Variants in NKX3-2 observed in about 807,000 individuals in gnomAD.
The protein encoded by NKX3-2 is NK3 homeobox 2, also known as homeobox protein Nkx-3.2.
A neutral mutation model predicts 19.4 loss-of-function variants in NKX3-2; 13 were observed. The ratio of observed to expected loss-of-function variants is 0.67; its 90% CI spans 0.44 to 1.07. The LOEUF is 1.07. NKX3-2 is among the 50% of genes least tolerant of loss of function. NKX3-2 has a pLI of 0.00. For missense variants in NKX3-2, 562 were observed against 488.2 expected, an observed-to-expected ratio of 1.15 and a Z score of -1.42; for synonymous variants, 269 against 230.5, an observed-to-expected ratio of 1.17 and a Z score of -1.51.
chr4:13,546,646 T>TGC, upstream of NKX3-2: 2 of 349,098 alleles, frequency 5.7e-6, no homozygotes, highest in South Asian at 4.3e-5. Context: ...TAGTACTTGG[T>TGC]GCTGACAAAT....
rs1471167990 is a variant in NKX3-2 at position 13,543,919 on chromosome 4, G to C, written c.466+30C>G. The C allele has an allele frequency of 2.6e-6, 4 of 1,523,306 alleles. No homozygotes were observed. The highest frequency in any genetic ancestry group is 3.5e-6 in the Non-Finnish European group (4 of 1,136,424). 94.4% of individuals were successfully genotyped at this position (1,523,306 alleles called of 1,614,324 possible). A position where few individuals can be genotyped will look rare whatever the true frequency, so the allele number is the denominator to read the frequency against. On this transcript the variant is annotated intron_variant, in intron 1 of 1. Coordinates refer to ENST00000382438, the MANE Select transcript of NKX3-2 (RefSeq NM_001189.4). The surrounding 1 kb of genome is among the most constrained non-coding windows in gnomAD (Gnocchi z 7.1). ...CCCTCCGCGTCCATCCCCTCAGCCC[G>C]GCCCCCATCCCCGCGAAGCCGCAGC...
At position 13,544,305 on chromosome 4, in the gene NKX3-2, C is replaced by A; in HGVS notation, c.110G>T (p.Gly37Val). 1 of 1,529,846 alleles carries A rather than the reference C, an allele frequency of 6.5e-7. No individual in the cohort carries two copies. 94.8% of individuals were successfully genotyped at this position (1,529,846 alleles called of 1,614,324 possible). Reference sequence around the variant, plus strand: ...CGCGGCCACCGATGCCGCTGTGCCCCCGGGCGCCGGGCGCCCCTCTGGCGC... The same window carrying A: ...CGCGGCCACCGATGCCGCTGTGCCCACGGGCGCCGGGCGCCCCTCTGGCGC... ...LAAPEGRPAP[G>V]GTAASVAAAP... Residue 37 changes from glycine (G) to valine (V), a missense_variant, in exon 1 of 2, where the codon GGG becomes GTG. Coordinates refer to ENST00000382438, the MANE Select transcript of NKX3-2 (RefSeq NM_001189.4).
chr4:13,541,892 C>T lies in NKX3-2; in HGVS notation c.*101G>A. On this transcript the variant is annotated 3_prime_UTR_variant, in exon 2 of 2. Transcript: ENST00000382438. ...TGGAGCTGGGTTTCACCTCCAGGTG[C>T]CTCCTTGGCGGGGCGCCCCGTGCAG... The T allele has an allele frequency of 6.7e-7, 1 of 1,499,342 alleles. No homozygotes were observed. Among genetic ancestry groups the T allele is most frequent in the Admixed American group, 2.1e-5 (1 of 47,490 alleles). The allele number at this position is 1,499,342 out of a possible 1,614,324, so 92.9% of individuals were successfully genotyped here. A position where few individuals can be genotyped will look rare whatever the true frequency, so the allele number is the denominator to read the frequency against.
In NKX3-2 at chr4:13,543,442, G is replaced by T. The variant is rs1278596071; in HGVS notation, c.466+507C>A. ...AACCAGCCCTTTCCCCAAAGCTCTA[G>T]TTCTGCAGATTCTCAGCTCTGGCCC... On this transcript the variant is annotated intron_variant, in intron 1 of 1. Coordinates refer to ENST00000382438, the MANE Select transcript of NKX3-2 (RefSeq NM_001189.4). The surrounding 1 kb of genome is among the most constrained non-coding windows in gnomAD (Gnocchi z 7.1). Among the ~76,000 whole-genome samples the T allele has an allele frequency of 6.6e-6, 1 of 152,182 alleles. No individual in the cohort carries two copies. The highest frequency in any genetic ancestry group is 1.5e-5 in the Non-Finnish European group (1 of 68,034).
At position 13,544,247 on chromosome 4, in the gene NKX3-2, C is replaced by T; in HGVS notation, c.168G>A (p.Gly56=). 6.3e-7 allele frequency: 1 copy of T among 1,581,452 alleles called. No individual in the cohort carries two copies. Among genetic ancestry groups the T allele is most frequent in the Non-Finnish European group, 8.5e-7 (1 of 1,172,356 alleles). The stretch of plus-strand genomic sequence containing the variant: ...CCCCCAACGCGCCCGCGTCCCTCTC[C>T]CCAAAGAGCCGCCAACAGCAGACAG... ...APAVCCWRLF[G]ERDAGALGGA... The change falls in exon 1 of 2, where the codon GGG becomes GGA. Residue 56 remains glycine, a synonymous_variant. Coordinates refer to ENST00000382438, the MANE Select transcript of NKX3-2 (RefSeq NM_001189.4).
chr4:13,543,960 G>GCGGACATCTCGCTGT lies in NKX3-2; in HGVS notation c.440_454dup (p.Asp147_Ser151dup), dbSNP rs1718052386. 6.5e-7 allele frequency: 1 copy of GCGGACATCTCGCTGT among 1,548,664 alleles called. No individual in the cohort carries two copies. Among genetic ancestry groups the GCGGACATCTCGCTGT allele is most frequent in the Non-Finnish European group, 8.7e-7 (1 of 1,149,134 alleles). On this transcript the variant is annotated inframe_insertion, in exon 1 of 2. Transcript: ENST00000382438. The surrounding 1 kb of genome is among the most constrained non-coding windows in gnomAD (Gnocchi z 7.1). The stretch of plus-strand genomic sequence containing the variant: ...AAGCCGCAGCAGACCTGAGACGCTG[G>GCGGACATCTCGCTGT]CGGACATCTCGCTGTCGCTCCGGCC...
chr4:13,543,879 C>T lies in NKX3-2; in HGVS notation c.466+70G>A. The T allele has an allele frequency of 2.2e-6, 3 of 1,358,310 alleles. No homozygotes were observed. The highest frequency in any genetic ancestry group is 2.7e-5 in the East Asian group (1 of 36,776). The allele number at this position is 1,358,310 out of a possible 1,614,324, so 84.1% of individuals were successfully genotyped here. A position where few individuals can be genotyped will look rare whatever the true frequency, so the allele number is the denominator to read the frequency against. On this transcript the variant is annotated intron_variant, in intron 1 of 1. Transcript: ENST00000382438. This position sits in a 1 kb window ranked among gnomAD's most constrained non-coding sequence, Gnocchi z 7.1. Reference sequence around the variant, plus strand: ...CGCAGGGTGCTCAAGCCGACCACCCCACTCGGCGTGGTTGCCCTCCGCGTC... The same window carrying T: ...CGCAGGGTGCTCAAGCCGACCACCCTACTCGGCGTGGTTGCCCTCCGCGTC...
chr4:13,544,640 C>T (rs867829832), upstream of NKX3-2: 3 of 306,774 alleles, frequency 9.8e-6, no homozygotes, highest in Admixed American at 5.1e-5. Context: ...CCCCCTCCCC[C>T]CGAATCCAGA....
upstream of NKX3-2, chr4:13,546,997 T>G: frequency 2.2e-6 from 1 of 456,230 alleles, no homozygotes; most frequent in South Asian, 1.5e-5. Context: ...TGGTGTCATC[T>G]CGGGCCATTA....
At position 13,544,342 on chromosome 4, in the gene NKX3-2, C is replaced by T. The variant is rs759537377; in HGVS notation, c.73G>A (p.Gly25Ser). The change falls in exon 1 of 2, where the codon GGC (glycine) becomes AGC (serine). Residue 25 changes from glycine to serine, a missense_variant. Gly to Ser is a moderately conservative substitution (Grantham distance 56, BLOSUM62 0). Transcript: ENST00000382438. The part of the protein sequence containing the change: ...QAILNKKEER[G>S]GLAAPEGRPA... ...CGCCCCTCTGGCGCGGCCAGCCCGCCGCGCTCCTCTTTCTTGTTGAGGATC... is the reference window on the plus strand; with the variant it reads ...CGCCCCTCTGGCGCGGCCAGCCCGCTGCGCTCCTCTTTCTTGTTGAGGATC... 8.5e-6 allele frequency: 13 copies of T among 1,535,110 alleles called. No homozygotes were observed. Among genetic ancestry groups the T allele is most frequent in the South Asian group, 8.4e-5 (7 of 83,392 alleles).
Position 13,542,073 on chromosome 4 carries a change from G to C in NKX3-2, c.922C>G (p.Gln308Glu), listed in dbSNP as rs753928706. 2.3e-5 allele frequency: 37 copies of C among 1,607,178 alleles called. No individual in the cohort carries two copies. Among genetic ancestry groups the C allele is most frequent in the Non-Finnish European group, 2.9e-5 (34 of 1,175,770 alleles). The change falls in exon 2 of 2, where the codon CAG becomes GAG. Residue 308 changes from glutamine to glutamate, a missense_variant. Gln to Glu is a conservative substitution (Grantham distance 29). Coordinates refer to ENST00000382438, the MANE Select transcript of NKX3-2 (RefSeq NM_001189.4). The surrounding 1 kb of genome is among the most constrained non-coding windows in gnomAD (Gnocchi z 6.4). ...TAGTACGGGTAATAGTAGGAGGGCT[G>C]CAGTGGCAGAAGCGAGGGTGGCCGC... ...VLRPPSLLPL[Q>E]PSYYYPYYCL...
Position 13,542,484 on chromosome 4 carries a change from C to G in NKX3-2, c.511G>C (p.Gly171Arg), listed in dbSNP as rs895783889. 3.8e-6 allele frequency: 6 copies of G among 1,596,646 alleles called. No individual in the cohort carries two copies. Among genetic ancestry groups the G allele is most frequent in the African/African-American group, 1.3e-5 (1 of 74,952 alleles). Residue 171 changes from glycine (G) to arginine (R), a missense_variant, in exon 2 of 2, where the codon GGT (glycine) becomes CGT (arginine). Physicochemically the swap from Gly to Arg is moderately radical, Grantham distance 125. Coordinates refer to ENST00000382438, the MANE Select transcript of NKX3-2 (RefSeq NM_001189.4). This position sits in a 1 kb window ranked among gnomAD's most constrained non-coding sequence, Gnocchi z 6.4. ...RTEDDGVGPR[G>R]AHVSALCSGA... is the part of the protein sequence containing the mutation. ...CTGCACAGCGCGGACACGTGTGCAC[C>G]TCTGGGGCCAACACCGTCGTCCTCG...
chr4:13,541,895 C>G lies in NKX3-2; in HGVS notation c.*98G>C. The G allele has an allele frequency of 2.0e-6, 3 of 1,509,344 alleles. No homozygotes were observed. Among genetic ancestry groups the G allele is most frequent in the Non-Finnish European group, 2.7e-6 (3 of 1,121,486 alleles). The allele number at this position is 1,509,344 out of a possible 1,614,324, so 93.5% of individuals were successfully genotyped here. A position where few individuals can be genotyped will look rare whatever the true frequency, so the allele number is the denominator to read the frequency against. On this transcript the variant is annotated 3_prime_UTR_variant, in exon 2 of 2. Transcript: ENST00000382438. ...AGCTGGGTTTCACCTCCAGGTGCCT[C>G]CTTGGCGGGGCGCCCCGTGCAGGCT...
At position 13,544,229 on chromosome 4, in the gene NKX3-2, C is replaced by A; in HGVS notation, c.186G>T (p.Ala62=). Residue 62 remains alanine, a synonymous_variant, in exon 1 of 2, where the codon GCG becomes GCT. Transcript: ENST00000382438. ...WRLFGERDAG[A]LGGAEDSLLA... is the part of the protein sequence containing the mutation. ...GCAGAGAGTCCTCGGCGCCCCCCAA[C>A]GCGCCCGCGTCCCTCTCCCCAAAGA... 3.8e-6 allele frequency: 6 copies of A among 1,590,364 alleles called. No individual in the cohort carries two copies. The highest frequency in any genetic ancestry group is 5.1e-6 in the Non-Finnish European group (6 of 1,175,862).
rs559802245 is a variant in NKX3-2, at chr4:13,543,362, A to G, written c.466+587T>C. Among the ~76,000 whole-genome samples, 6 of 152,234 alleles carry G rather than the reference A, an allele frequency of 3.9e-5. No individual in the cohort carries two copies. The South Asian group carries it at 1.0e-3, about 26-fold the overall frequency. Reference sequence around the variant, plus strand: ...GCCTCCAGGATGAACTAAAGACCCAATCCGGGATCTTCGGCCTAGGGCTGC... The same window carrying G: ...GCCTCCAGGATGAACTAAAGACCCAGTCCGGGATCTTCGGCCTAGGGCTGC... On this transcript the variant is annotated intron_variant, in intron 1 of 1. Transcript: ENST00000382438. The surrounding 1 kb of genome is among the most constrained non-coding windows in gnomAD (Gnocchi z 7.1).
In NKX3-2 at chr4:13,542,418, C is replaced by G; in HGVS notation, c.577G>C (p.Ala193Pro). Reference sequence around the variant, plus strand: ...GCCGCCGGCTCCTCCTCCTCCTCCGCGACGCCTGCCGGCCCGCTGCCGCCC... The same window carrying G: ...GCCGCCGGCTCCTCCTCCTCCTCCGGGACGCCTGCCGGCCCGCTGCCGCCC... Reference protein sequence around the residue: ...GGGGSGPAGVAEEEEEPAAPK... With the variant: ...GGGGSGPAGVPEEEEEPAAPK... The change falls in exon 2 of 2, where the codon GCG (alanine) becomes CCG (proline). Residue 193 changes from alanine (A) to proline (P), a missense_variant. Coordinates refer to ENST00000382438, the MANE Select transcript of NKX3-2 (RefSeq NM_001189.4). This position sits in a 1 kb window ranked among gnomAD's most constrained non-coding sequence, Gnocchi z 6.4. The G allele has an allele frequency of 6.5e-7, 1 of 1,531,204 alleles. No individual in the cohort carries two copies. The highest frequency in any genetic ancestry group is 1.2e-5 in the South Asian group (1 of 83,398). The allele number at this position is 1,531,204 out of a possible 1,614,324, so 94.9% of individuals were successfully genotyped here.
At chr4:13,544,648 A>G (rs1577285544), upstream of NKX3-2, 1 of 277,928 alleles carries the variant, frequency 3.6e-6, no homozygotes. Flanking sequence ...CCCCGAATCC[A>G]GAGCCAGACG....
In NKX3-2 at chr4:13,540,876, T is replaced by C. The variant is rs1227164434; in HGVS notation, c.*1117A>G. Reference sequence around the variant, plus strand: ...TAAATTAAAGAAAAAATACAGCGAATAGAGCTTCCAAACTTCACAAATCTT... The same window carrying C: ...TAAATTAAAGAAAAAATACAGCGAACAGAGCTTCCAAACTTCACAAATCTT... On this transcript the variant is annotated 3_prime_UTR_variant, in exon 2 of 2. Transcript: ENST00000382438. 1 of 152,224 alleles carries C rather than the reference T, an allele frequency of 6.6e-6. No individual in the cohort carries two copies. Among genetic ancestry groups the C allele is most frequent in the Non-Finnish European group, 1.5e-5 (1 of 68,056 alleles). 9.4% of individuals were successfully genotyped at this position (152,224 alleles called of 1,614,324 possible). A position where few individuals can be genotyped will look rare whatever the true frequency, so the allele number is the denominator to read the frequency against.
In NKX3-2 at chr4:13,542,400, GCTC is replaced by G. The variant is rs746991447; in HGVS notation, c.592_594del (p.Glu198del). The G allele has an allele frequency of 3.7e-5, 56 of 1,510,666 alleles. No homozygotes were observed. Among genetic ancestry groups the G allele is most frequent in the Middle Eastern group, 2.1e-4 (1 of 4,652 alleles). The allele number at this position is 1,510,666 out of a possible 1,614,324, so 93.6% of individuals were successfully genotyped here. On this transcript the variant is annotated inframe_deletion, in exon 2 of 2. Coordinates refer to ENST00000382438, the MANE Select transcript of NKX3-2 (RefSeq NM_001189.4). The surrounding 1 kb of genome is among the most constrained non-coding windows in gnomAD (Gnocchi z 6.4). ...TTCTTGCGTGGCTTGGGCGCCGCCG[GCTC>G]CTCCTCCTCCTCCGCGACGCCTGCC...
Sources: gnomAD v4.1 joint callset for allele counts (sites outside exome capture counted in the v4.1 genomes callset) on GRCh38, gnomAD v4.1.1 for gene constraint, Gnocchi (gnomAD v3.1) non-coding constraint, MANE v1.5 for transcripts, NCBI Gene and HGNC (gene_info 2026-07-23, HGNC 2026-07-21) for gene names.